C8orf34: variants seen among roughly 807,000 people sequenced by gnomAD.
C8orf34 encodes uncharacterized protein C8orf34.
C8orf34 carries 65 observed loss-of-function variants against 68.3 expected under a neutral mutation model. The observed-to-expected ratio is 0.95, with a 90% confidence interval of 0.78 to 1.17. C8orf34 has a LOEUF of 1.17. Ranked by LOEUF, C8orf34 falls within the 50% of genes most tolerant of loss-of-function variation. C8orf34 has a pLI of 0.00. For missense variants in C8orf34, 664 were observed against 655.4 expected (o/e 1.01, Z -0.14); for synonymous variants, 244 against 241.2 (o/e 1.01, Z -0.11).
chr8:68,703,411 G>C (rs1344010292), intron 8 of C8orf34, among the ~76,000 whole-genome samples: 1 of 151,936 alleles, frequency 6.6e-6, no homozygotes, highest in Non-Finnish European at 1.5e-5. Flanking sequence ...AGCCCCACTT[G>C]TATCCCACTT....
chr8:68,544,944 G>A (rs1815822536), intron 7 of C8orf34, among the ~76,000 whole-genome samples: 1 of 152,074 alleles, frequency 6.6e-6, no homozygotes, highest in Non-Finnish European at 1.5e-5. Flanking sequence ...TGCAGATAAT[G>A]AAAGAAAAAT....
intron 1 of C8orf34, among the ~76,000 whole-genome samples, chr8:68,350,638 A>G (rs1806473789): frequency 6.6e-6 from 1 of 152,076 alleles, no homozygotes; most frequent in Non-Finnish European, 1.5e-5. Flanking sequence ...ATATATATTT[A>G]GGATAGTTAG....
chr8:68,428,610 T>C (rs1472606794), intron 1 of C8orf34, among the ~76,000 whole-genome samples: 1 of 151,904 alleles, frequency 6.6e-6, no homozygotes, highest in Non-Finnish European at 1.5e-5. Flanking sequence ...TCAAAAAAGA[T>C]AAGAGAAAAA....
At chr8:68,781,033 A>G (rs1339233008) in intron 11 of C8orf34, among the ~76,000 whole-genome samples, 1 of 152,206 alleles carries the variant, frequency 6.6e-6, no homozygotes, top group African/African-American at 2.4e-5. Flanking sequence ...AAGTAAAATT[A>G]AAGTGATTAA....
intron 5 of C8orf34, among the ~76,000 whole-genome samples, chr8:68,518,205 G>T (rs1378709697): frequency 6.6e-6 from 1 of 152,134 alleles, no homozygotes; most frequent in Admixed American, 6.5e-5. Flanking sequence ...AAAGGAAGAA[G>T]GCACAATTTA....
intron 10 of C8orf34, among the ~76,000 whole-genome samples, chr8:68,765,072 T>C (rs1235892272): frequency 6.6e-6 from 1 of 152,076 alleles, no homozygotes; most frequent in East Asian, 1.9e-4. Context: ...TTCCTGCCTT[T>C]CATTATAAAC....
In C8orf34 at chr8:68,440,312, G is replaced by A. The variant is rs535528359; in HGVS notation, c.475+666G>A. On this transcript the variant is annotated intron_variant, in intron 2 of 13. Transcript: ENST00000518698. ...GTAACTAACTTCTTGTCTGATTCCC[G>A]TAGAAATCCAACTGTACTCCAAATG... is the stretch of plus-strand genomic sequence containing the variant. Among the ~76,000 whole-genome samples the A allele has an allele frequency of 1.4e-4, 22 of 152,200 alleles. No individual in the cohort carries two copies. In the South Asian group the frequency reaches 1.7e-3, roughly 11 times the overall value.
At chr8:68,735,575 A>G (rs1439221041) in intron 10 of C8orf34, among the ~76,000 whole-genome samples, 1 of 149,506 alleles carries the variant, frequency 6.7e-6, no homozygotes, top group African/African-American at 2.5e-5. Context: ...TACTTATGTT[A>G]AATAATGTCA....
chr8:68,713,374 T>C (rs775649920), intron 9 of C8orf34, among the ~76,000 whole-genome samples: 12 of 151,642 alleles, frequency 7.9e-5, no homozygotes, highest in Non-Finnish European at 1.3e-4. Context: ...AAAAGATAGA[T>C]GAAACAAAAA....
chr8:68,526,730 G>GGGT (rs1815009353), intron 6 of C8orf34, among the ~76,000 whole-genome samples: 2 of 150,824 alleles, frequency 1.3e-5, no homozygotes, highest in Non-Finnish European at 2.9e-5. Context: ...AAGACTGTGA[G>GGGT]GGTGAACTCA....
At chr8:68,462,886 A>G (rs1369916791) in intron 3 of C8orf34, among the ~76,000 whole-genome samples, 2 of 152,182 alleles carry the variant, frequency 1.3e-5, no homozygotes, top group Non-Finnish European at 2.9e-5. Flanking sequence ...AAAGAACTAG[A>G]AAAGCAAGAG....
chr8:68,509,137 C>T (rs570113088), intron 5 of C8orf34, among the ~76,000 whole-genome samples: 132 of 152,174 alleles, frequency 8.7e-4, no homozygotes, highest in African/African-American at 3.1e-3. Context: ...GGATAAAGAC[C>T]AATCTTAACT....
At chr8:68,713,851 A>G (rs530891501) in intron 9 of C8orf34, among the ~76,000 whole-genome samples, 7 of 152,240 alleles carry the variant, frequency 4.6e-5, no homozygotes, top group African/African-American at 1.7e-4. Flanking sequence ...AAAGAAAACT[A>G]CAGACCAGTA....
chr8:68,559,478 G>T (rs1405700014), intron 7 of C8orf34, among the ~76,000 whole-genome samples: 2 of 152,098 alleles, frequency 1.3e-5, no homozygotes, highest in African/African-American at 4.8e-5. Flanking sequence ...TTTTAGTTTT[G>T]CAAATTAAAA....
intron 7 of C8orf34, among the ~76,000 whole-genome samples, chr8:68,571,821 CA>C (rs1236308659): frequency 6.6e-6 from 1 of 152,006 alleles, no homozygotes; most frequent in African/African-American, 2.4e-5. Context: ...CTATGAAAAC[CA>C]AATGTGAATT....
chr8:68,521,575 A>G (rs111786001), intron 5 of C8orf34, among the ~76,000 whole-genome samples: 2,643 of 152,186 alleles, frequency 0.017, 86 homozygotes, highest in African/African-American at 0.061. Context: ...TTCCAAATTC[A>G]AAGCAAAGAT....
intron 8 of C8orf34, among the ~76,000 whole-genome samples, chr8:68,670,796 T>C (rs1422622836): frequency 1.3e-5 from 2 of 152,202 alleles, no homozygotes. Context: ...TATTTATCTG[T>C]CTATTGTCAT....
intron 7 of C8orf34, among the ~76,000 whole-genome samples, chr8:68,540,164 A>G (rs2129921699): frequency 6.6e-6 from 1 of 152,104 alleles, no homozygotes; most frequent in Middle Eastern, 3.4e-3. Context: ...AAACTATTAA[A>G]TAGAGGAGCA....
chr8:68,737,062 T>C (rs1421140908), intron 10 of C8orf34, among the ~76,000 whole-genome samples: 1 of 152,128 alleles, frequency 6.6e-6, no homozygotes, highest in Non-Finnish European at 1.5e-5. Flanking sequence ...AGTACAACTA[T>C]AAGTAATAGG....
Sources: gnomAD v4.1 joint callset for allele counts (sites outside exome capture counted in the v4.1 genomes callset) on GRCh38, gnomAD v4.1.1 for gene constraint, MANE v1.5 for transcripts, NCBI Gene and HGNC (gene_info 2026-07-23, HGNC 2026-07-21) for gene names.